Variants in SHANK2 observed in about 807,000 individuals in gnomAD.
SHANK2 encodes the protein SH3 and multiple ankyrin repeat domains 2.
A neutral mutation model predicts 133.7 loss-of-function variants in SHANK2; 43 were observed. The observed-to-expected ratio is 0.32, with a 90% CI of 0.25 to 0.41. The LOEUF (loss-of-function observed/expected upper bound fraction) is 0.41. Ranked by LOEUF, SHANK2 falls within the 10% of genes least tolerant of loss-of-function variation. The pLI, the probability that SHANK2 is intolerant of heterozygous loss-of-function variation, is 1.00. For missense variants in SHANK2, 1,994 were observed against 2,235.8 expected, an observed-to-expected ratio of 0.89 and a Z score of 2.18; for synonymous variants, 1,017 against 952.8, an observed-to-expected ratio of 1.07 and a Z score of -1.24.
intron 2 of SHANK2, among the ~76,000 whole-genome samples, chr11:71,207,892 C>T (rs910363155): frequency 5.9e-5 from 9 of 151,968 alleles, no homozygotes; most frequent in Non-Finnish European, 1.2e-4. Flanking sequence ...AGCAAAATGC[C>T]GAGAAAAGAA....
At chr11:70,928,019 G>C (rs1033219842) in intron 10 of SHANK2, among the ~76,000 whole-genome samples, 1 of 152,038 alleles carries the variant, frequency 6.6e-6, no homozygotes, top group Non-Finnish European at 1.5e-5. Context: ...AATCACATGC[G>C]CCAATTCCTT....
At chr11:70,636,578 A>T (rs4993756) in intron 17 of SHANK2, among the ~76,000 whole-genome samples, 5 of 132,262 alleles carry the variant, frequency 3.8e-5, no homozygotes, top group African/African-American at 1.2e-4. Flanking sequence ...TGTGTGTATG[A>T]ATGTGAGTCT....
chr11:71,231,868 G>A (rs1565529287), intron 1 of SHANK2, among the ~76,000 whole-genome samples: 2 of 151,564 alleles, frequency 1.3e-5, no homozygotes, highest in Non-Finnish European at 2.9e-5. Flanking sequence ...CAGCCTGGGT[G>A]ACAGGGCCAG....
chr11:70,846,653 T>C (rs1949001803), intron 11 of SHANK2, among the ~76,000 whole-genome samples: 1 of 152,158 alleles, frequency 6.6e-6, no homozygotes, highest in Non-Finnish European at 1.5e-5. Context: ...CCCAGGTGCC[T>C]AACGGCCACC....
chr11:70,722,997 G>C (rs963265409), intron 14 of SHANK2, among the ~76,000 whole-genome samples: 9 of 152,152 alleles, frequency 5.9e-5, no homozygotes, highest in Admixed American at 2.0e-4. Context: ...TAACTTTTCT[G>C]CCTGGTCCCT....
At chr11:70,846,331 T>TCAGCTCA (rs1191355607) in intron 11 of SHANK2, among the ~76,000 whole-genome samples, 1 of 152,160 alleles carries the variant, frequency 6.6e-6, no homozygotes, top group Non-Finnish European at 1.5e-5. Flanking sequence ...TGGTGCGGTC[T>TCAGCTCA]CAGCTCACTG....
chr11:70,494,959 T>C (rs2058948013), intron 21 of SHANK2, among the ~76,000 whole-genome samples: 1 of 152,236 alleles, frequency 6.6e-6, no homozygotes, highest in Admixed American at 6.5e-5. Context: ...ATGAGCCTGA[T>C]GCCTCCTTGG....
At chr11:70,664,859 C>A (rs1367193138) in intron 15 of SHANK2, among the ~76,000 whole-genome samples, 1 of 152,194 alleles carries the variant, frequency 6.6e-6, no homozygotes, top group Non-Finnish European at 1.5e-5. Context: ...TTGCTTTGAC[C>A]CCAAGGTCAC....
chr11:70,881,562 T>TAA (rs1565380917), intron 11 of SHANK2, among the ~76,000 whole-genome samples: 734 of 24,054 alleles, frequency 0.031, 12 homozygotes, highest in East Asian at 0.094. Flanking sequence ...AATAATAATA[T>TAA]TAATAATAAT....
rs558198262 is a variant in SHANK2 at position 70,931,341 on chromosome 11, C to T, written c.1108-34774G>A. On this transcript the variant is annotated intron_variant, in intron 10 of 25. Coordinates refer to ENST00000601538, the MANE Select transcript of SHANK2 (RefSeq NM_012309.5). The stretch of plus-strand genomic sequence containing the variant: ...AAACCCCTGGACTATACACGTTAGA[C>T]GGGTAAATTGTATGATCTGTGAATT... Among the ~76,000 whole-genome samples, 11 of 152,270 alleles carry T rather than the reference C, an allele frequency of 7.2e-5. No individual in the cohort carries two copies. In the East Asian group the frequency reaches 7.7e-4, roughly 11 times the overall value.
chr11:70,639,378 C>T (rs1203401332), intron 17 of SHANK2, among the ~76,000 whole-genome samples: 1 of 152,038 alleles, frequency 6.6e-6, no homozygotes, highest in Non-Finnish European at 1.5e-5. Context: ...GGGCCCCTGT[C>T]CTGGTTTCTT....
intron 17 of SHANK2, among the ~76,000 whole-genome samples, chr11:70,643,648 T>A (rs1591694882): frequency 6.6e-6 from 1 of 151,564 alleles, no homozygotes; most frequent in East Asian, 1.9e-4. Flanking sequence ...TTTGGGATGG[T>A]GTCTTGGGAA....
chr11:71,175,607 A>G lies in SHANK2; in HGVS notation c.-12-28269T>C, dbSNP rs1953425740. ...GAGAGAGAGAGAGAGAGAGAGACAG[A>G]GACAGAGACATCGCTTCCAGCCAAG... On this transcript the variant is annotated intron_variant, in intron 2 of 25. Transcript: ENST00000601538. The surrounding 1 kb of genome is among the most constrained non-coding windows in gnomAD (Gnocchi z 4.2). Among the ~76,000 whole-genome samples the G allele has an allele frequency of 6.9e-6, 1 of 144,652 alleles. No homozygotes were observed. The highest frequency in any genetic ancestry group is 2.6e-5 in the African/African-American group (1 of 38,648). The allele number at this position is 144,652 out of a possible 152,430, so 94.9% of individuals were successfully genotyped here.
intron 10 of SHANK2, among the ~76,000 whole-genome samples, chr11:70,899,148 C>T (rs1419277504): frequency 1.3e-5 from 2 of 152,158 alleles, no homozygotes; most frequent in African/African-American, 2.4e-5. Flanking sequence ...TGTGTGTCCC[C>T]ATCCAAATCT....
rs541823108 is a variant in SHANK2 at position 70,928,203 on chromosome 11, G to A, written c.1108-31636C>T. Among the ~76,000 whole-genome samples, 15 of 152,196 alleles carry A rather than the reference G, an allele frequency of 9.9e-5. No individual in the cohort carries two copies. In the South Asian group the frequency reaches 2.3e-3, roughly 23 times the overall value. ...CCAGAGGGAAAAGGGCATTGTCGCC[G>A]ATACCTGTTCCCGTCGATGGAGACC... On this transcript the variant is annotated intron_variant, in intron 10 of 25. Coordinates refer to ENST00000601538, the MANE Select transcript of SHANK2 (RefSeq NM_012309.5).
intron 2 of SHANK2, among the ~76,000 whole-genome samples, chr11:71,169,772 A>AG (rs1335839750): frequency 1.3e-5 from 2 of 151,912 alleles, no homozygotes; most frequent in East Asian, 1.9e-4. Flanking sequence ...AAAAAAAAAA[A>AG]AGAGAATGTG....
At chr11:71,128,485 A>G (rs1191087787) in intron 3 of SHANK2, among the ~76,000 whole-genome samples, 3 of 152,120 alleles carry the variant, frequency 2.0e-5, no homozygotes, top group South Asian at 2.1e-4. Flanking sequence ...AGGGGCTGAC[A>G]TGGTCAGGAG....
intron 10 of SHANK2, among the ~76,000 whole-genome samples, chr11:71,055,783 G>C (rs1404172340): frequency 3.2e-4 from 45 of 142,442 alleles, no homozygotes; most frequent in African/African-American, 1.0e-3. Context: ...GGCTGGGGGA[G>C]GGGGAGGGGG....
At chr11:70,875,472 C>T (rs1949544301) in intron 11 of SHANK2, among the ~76,000 whole-genome samples, 1 of 151,824 alleles carries the variant, frequency 6.6e-6, no homozygotes, top group Admixed American at 6.6e-5. Context: ...TGCAGTGAGC[C>T]GAGATTGCGC....
Sources: gnomAD v4.1 joint callset for allele counts (sites outside exome capture counted in the v4.1 genomes callset) on GRCh38, gnomAD v4.1.1 for gene constraint, Gnocchi (gnomAD v3.1) non-coding constraint, MANE v1.5 for transcripts, NCBI Gene and HGNC (gene_info 2026-07-23, HGNC 2026-07-21) for gene names.